The following DPP6 variants were observed in gnomAD, a reference collection of about 807,000 sequenced individuals.
The protein encoded by DPP6 is A-type potassium channel modulatory protein DPP6.
A neutral mutation model predicts 122.6 loss-of-function variants in DPP6; 69 were observed. That is an observed-to-expected ratio of 0.56 (90% CI 0.46 to 0.69). The LOEUF is 0.69. Among genes scored for constraint, DPP6 ranks in the 30% least tolerant of loss-of-function variants. The pLI, the probability that DPP6 is intolerant of heterozygous loss-of-function variation, is 0.00. For synonymous variants in DPP6, 418 were observed against 433.1 expected, an observed-to-expected ratio of 0.97 and a Z score of 0.43; for missense variants, 928 against 1,116.9, an observed-to-expected ratio of 0.83 and a Z score of 2.41.
chr7:154,486,118 C>G lies in DPP6; in HGVS notation c.457+11081C>G, dbSNP rs762988697. On this transcript the variant is annotated intron_variant, in intron 3 of 25. Coordinates refer to ENST00000377770, the MANE Select transcript of DPP6 (RefSeq NM_130797.4). This position sits in a 1 kb window ranked among gnomAD's most constrained non-coding sequence, Gnocchi z 4.5. ...CCTTGCCTCCCCGGTCTCCTCACCA[C>G]CCCTACTCATGGCCTCTATTTTGTT... Among the ~76,000 whole-genome samples, 9 of 151,724 alleles carry G rather than the reference C, an allele frequency of 5.9e-5. No homozygotes were observed. The highest frequency in any genetic ancestry group is 1.3e-4 in the Non-Finnish European group (9 of 67,940).
At chr7:154,164,402 G>A (rs1563266283) in intron 1 of DPP6, among the ~76,000 whole-genome samples, 1 of 152,068 alleles carries the variant, frequency 6.6e-6, no homozygotes, top group African/African-American at 2.4e-5. Flanking sequence ...TTAAAACATT[G>A]TCGTTGTGTT....
chr7:154,885,206 C>A (rs1236394395), intron 21 of DPP6: 2 of 180,918 alleles, frequency 1.1e-5, no homozygotes, highest in Admixed American at 5.8e-5. Flanking sequence ...CATGTGCAGA[C>A]CAGGACTTGC....
chr7:154,821,885 G>A lies in DPP6; in HGVS notation c.1666+14773G>A, dbSNP rs2316524. Among the ~76,000 whole-genome samples the A allele has an allele frequency of 0.79, 119,662 of 151,898 alleles. 47,378 individuals are homozygous for A. Among genetic ancestry groups the A allele is most frequent in the Non-Finnish European group, 0.84 (56,926 of 67,978 alleles). Reference sequence around the variant, plus strand: ...AAGTTACAGCCTCTTGTTAATCACCGTCATCCTCCAGGAAATTCACAGTAA... The same window carrying A: ...AAGTTACAGCCTCTTGTTAATCACCATCATCCTCCAGGAAATTCACAGTAA... On this transcript the variant is annotated intron_variant, in intron 16 of 25. Transcript: ENST00000377770. This position sits in a 1 kb window ranked among gnomAD's most constrained non-coding sequence, Gnocchi z 4.2.
At chr7:153,998,159 T>C (rs1797530245) in intron 1 of DPP6, among the ~76,000 whole-genome samples, 1 of 151,912 alleles carries the variant, frequency 6.6e-6, no homozygotes, top group African/African-American at 2.4e-5. Context: ...CAAGTTCAGC[T>C]TCACAAAGAC....
intron 1 of DPP6, among the ~76,000 whole-genome samples, chr7:154,065,822 G>T (rs1269796725): frequency 1.3e-5 from 2 of 152,052 alleles, no homozygotes; most frequent in African/African-American, 4.8e-5. Context: ...AGGGAATGGG[G>T]CAAGTTCCTG....
At chr7:154,407,580 G>T (rs977424726) in intron 1 of DPP6, among the ~76,000 whole-genome samples, 2 of 152,104 alleles carry the variant, frequency 1.3e-5, no homozygotes, top group African/African-American at 4.8e-5. Context: ...AGATGTGTTT[G>T]GTTTGGTTGG....
At chr7:153,774,661 C>T in the DPP6 span, among the ~76,000 whole-genome samples, 3 of 151,986 alleles carry the variant, frequency 2.0e-5, no homozygotes, top group East Asian at 1.9e-4. Flanking sequence ...GGAATTCTGT[C>T]GGTATTTAAG....
chr7:154,058,294 T>G, intron 1 of DPP6: 1 of 128,004 alleles, frequency 7.8e-6, no homozygotes, highest in South Asian at 2.9e-4. Flanking sequence ...CTTCCCCCCT[T>G]TGCTCTTAGG....
At chr7:153,971,290 T>A (rs1441746703) in intron 1 of DPP6, among the ~76,000 whole-genome samples, 1 of 151,962 alleles carries the variant, frequency 6.6e-6, no homozygotes, top group East Asian at 1.9e-4. Context: ...ATCCTACAAA[T>A]TTGCTGAACT....
At chr7:153,749,176 C>T in the DPP6 span, among the ~76,000 whole-genome samples, 2 of 152,128 alleles carry the variant, frequency 1.3e-5, no homozygotes, top group African/African-American at 4.8e-5. The surrounding 1 kb of genome is among the most constrained non-coding windows in gnomAD (Gnocchi z 4.1). Flanking sequence ...GTTGGCGGAT[C>T]GCGGGGGTTG....
rs1206237136 is a variant in DPP6 at position 154,797,921 on chromosome 7, C to T, written c.1299+2038C>T. Reference sequence around the variant, plus strand: ...TTGTGCAGGCTACGAGGGTGATCCTCAGACATTCAGAAGCATTGCTGAAGT... The same window carrying T: ...TTGTGCAGGCTACGAGGGTGATCCTTAGACATTCAGAAGCATTGCTGAAGT... On this transcript the variant is annotated intron_variant, in intron 12 of 25. Coordinates refer to ENST00000377770, the MANE Select transcript of DPP6 (RefSeq NM_130797.4). Among the ~76,000 whole-genome samples, 4 of 152,214 alleles carry T rather than the reference C, an allele frequency of 2.6e-5. No individual in the cohort carries two copies. In the East Asian group the frequency reaches 7.7e-4, roughly 29 times the overall value.
At chr7:154,275,430 C>T (rs1199025916) in intron 1 of DPP6, among the ~76,000 whole-genome samples, 1 of 152,172 alleles carries the variant, frequency 6.6e-6, no homozygotes, top group African/African-American at 2.4e-5. Context: ...GAGCCGGAAC[C>T]CTGGGGAGTT....
chr7:154,611,539 A>ATG (rs1833909856), intron 5 of DPP6, among the ~76,000 whole-genome samples: 1 of 151,782 alleles, frequency 6.6e-6, no homozygotes, highest in Non-Finnish European at 1.5e-5. Context: ...GAGTGTGTGC[A>ATG]TGTGTGTGTG....
intron 2 of DPP6, among the ~76,000 whole-genome samples, chr7:154,472,941 TAGAA>T (rs529930440): frequency 3.9e-5 from 6 of 152,322 alleles, no homozygotes; most frequent in East Asian, 1.9e-4. Flanking sequence ...AATACATGTA[TAGAA>T]AGAAAGATTT....
At position 154,446,324 on chromosome 7, in the gene DPP6, A is replaced by G. The variant is rs759670916; in HGVS notation, c.354A>G (p.Thr118=). ...TCGTCACCTCGGTCATACTTCTGAC[A>G]CCAGGTACTGTATTCATTCTTGGAA... ...SLIVTSVILL[T]PAEDNSLSQK... Residue 118 remains threonine (T), a synonymous_variant, in exon 2 of 26, where the codon ACA becomes ACG. Transcript: ENST00000377770. 3 of 1,610,446 alleles carry G rather than the reference A, an allele frequency of 1.9e-6. No homozygotes were observed. The highest frequency in any genetic ancestry group is 2.7e-5 in the African/African-American group (2 of 74,838).
chr7:153,967,632 A>G (rs1795821437), intron 1 of DPP6, among the ~76,000 whole-genome samples: 1 of 151,914 alleles, frequency 6.6e-6, no homozygotes, highest in Non-Finnish European at 1.5e-5. Context: ...CCAACCTAAC[A>G]TCAGTGTCTC....
chr7:154,192,386 A>G (rs1198390962), intron 1 of DPP6, among the ~76,000 whole-genome samples: 1 of 152,266 alleles, frequency 6.6e-6, no homozygotes, highest in African/African-American at 2.4e-5. Context: ...CCTAGTCACT[A>G]GTTAATCTGG....
At chr7:154,017,005 C>T (rs1009866005) in intron 1 of DPP6, among the ~76,000 whole-genome samples, 1 of 152,220 alleles carries the variant, frequency 6.6e-6, no homozygotes, top group Non-Finnish European at 1.5e-5. Context: ...TTAGTGGGTA[C>T]AAACGTGCAG....
intron 1 of DPP6, among the ~76,000 whole-genome samples, chr7:153,888,876 A>G (rs932815817): frequency 1.3e-5 from 2 of 152,134 alleles, no homozygotes; most frequent in African/African-American, 4.8e-5. Context: ...GGTTGGGTCC[A>G]AGTGATGGGG....
Sources: gnomAD v4.1 joint callset for allele counts (sites outside exome capture counted in the v4.1 genomes callset) on GRCh38, gnomAD v4.1.1 for gene constraint, Gnocchi (gnomAD v3.1) non-coding constraint, MANE v1.5 for transcripts, NCBI Gene and HGNC (gene_info 2026-07-23, HGNC 2026-07-21) for gene names.